Variants in STARD9 observed in about 807,000 individuals in gnomAD.
The protein encoded by STARD9 is stAR-related lipid transfer protein 9.
Under a neutral mutation model 399.8 loss-of-function variants are expected in STARD9, and 346 were observed. The ratio of observed to expected loss-of-function variants is 0.87; its 90% CI spans 0.79 to 0.95. The LOEUF is 0.95. Ranked by LOEUF, STARD9 falls within the 40% of genes least tolerant of loss-of-function variation. STARD9 has a pLI of 0.00. For missense variants in STARD9, 5,832 were observed against 5,667.5 expected (o/e 1.03, Z -0.93); for synonymous variants, 2,203 against 2,143.5 (o/e 1.03, Z -0.77).
intron 3 of STARD9, among the ~76,000 whole-genome samples, chr15:42,587,542 T>A (rs923277255): frequency 6.6e-6 from 1 of 152,182 alleles, no homozygotes; most frequent in African/African-American, 2.4e-5. Context: ...AGGCTTGTCT[T>A]GTGGCCCTTG....
In STARD9 at chr15:42,686,105, T is replaced by G. The variant is rs1332174269; in HGVS notation, c.4527T>G (p.Ala1509=). 6.5e-7 allele frequency: 1 copy of G among 1,537,226 alleles called. No homozygotes were observed. The highest frequency in any genetic ancestry group is 1.2e-5 in the South Asian group (1 of 84,046). ...VLEAIGAPKP[A]YPYLEEDSGS... ...AGGCCATAGGAGCACCCAAGCCAGC[T>G]TACCCCTACCTTGAGGAAGACTCTG... is the stretch of plus-strand genomic sequence containing the variant. The change falls in exon 23 of 33, where the codon GCT becomes GCG. Residue 1509 remains alanine, a synonymous_variant. Transcript: ENST00000290607.
chr15:42,689,668 GTTC>G lies in STARD9; in HGVS notation c.8095_8097del (p.Ser2699del), dbSNP rs1442589310. On this transcript the variant is annotated inframe_deletion, in exon 23 of 33. Coordinates refer to ENST00000290607, the MANE Select transcript of STARD9 (RefSeq NM_020759.3). ...AGTGAACCATTTATATGTCACTCTAGTTCTTCTGAAATCATAGAGAAAAAGAAA... is the reference window on the plus strand; with the variant it reads ...AGTGAACCATTTATATGTCACTCTAGTTCTGAAATCATAGAGAAAAAGAAA... The G allele has an allele frequency of 3.9e-6, 6 of 1,537,626 alleles. No homozygotes were observed. In the South Asian group the frequency reaches 5.9e-5, roughly 15 times the overall value.
At chr15:42,638,605 T>C (rs1402055927) in intron 6 of STARD9, 95 bp from the exon 7 acceptor site, 1 of 783,166 alleles carries the variant, frequency 1.3e-6, no homozygotes, top group Non-Finnish European at 2.0e-6. Flanking sequence ...GAAGTGGAGC[T>C]GGAACAAGAA....
In STARD9 at chr15:42,685,459, A is replaced by G; in HGVS notation, c.3881A>G (p.Gln1294Arg). 2.0e-6 allele frequency: 3 copies of G among 1,536,636 alleles called. No homozygotes were observed. Among genetic ancestry groups the G allele is most frequent in the Non-Finnish European group, 2.6e-6 (3 of 1,146,634 alleles). Residue 1294 changes from glutamine (Q) to arginine (R), a missense_variant, in exon 23 of 33, where the codon CAA becomes CGA. By Grantham distance (43) the Gln-to-Arg change is conservative (BLOSUM62 1). Coordinates refer to ENST00000290607, the MANE Select transcript of STARD9 (RefSeq NM_020759.3). ...HCELQPHCEL[Q>R]PHCELQPHCE... ...GAGCTCCAACCCCATTGTGAGCTCC[A>G]ACCCCATTGTGAGCTCCAGCCCCAT... is the stretch of plus-strand genomic sequence containing the variant.
chr15:42,625,651 T>TTTG (rs2059190973), intron 3 of STARD9, among the ~76,000 whole-genome samples: 1 of 150,556 alleles, frequency 6.6e-6, no homozygotes, highest in African/African-American at 2.4e-5. Flanking sequence ...CTTCCTATTT[T>TTTG]TTTTTTTTTT....
At chr15:42,650,529 T>A (rs773703679) in intron 7 of STARD9, among the ~76,000 whole-genome samples, 2 of 152,254 alleles carry the variant, frequency 1.3e-5, no homozygotes, top group Non-Finnish European at 2.9e-5. Context: ...GTATCATCTT[T>A]CCAACTCCTG....
chr15:42,691,595 C>G lies in STARD9; in HGVS notation c.10017C>G (p.Asn3339Lys). Residue 3339 changes from asparagine (N) to lysine (K), a missense_variant, in exon 23 of 33, where the codon AAC becomes AAG. Asn to Lys is a moderately conservative substitution (Grantham distance 94). This residue lies in a region of STARD9 where 5,828 missense variants were observed against 5,651.1 expected (regional missense o/e 1.03). Transcript: ENST00000290607. The part of the protein sequence containing the change: ...VGSSRSLQEL[N>K]LSVEPPSPTD... ...CTTCTCGTTCTCTTCAGGAGCTGAA[C>G]TTGAGTGTGGAGCCTCCTTCCCCTA... 1 of 1,537,250 alleles carries G rather than the reference C, an allele frequency of 6.5e-7. No individual in the cohort carries two copies. The highest frequency in any genetic ancestry group is 8.7e-7 in the Non-Finnish European group (1 of 1,146,908).
intron 3 of STARD9, among the ~76,000 whole-genome samples, chr15:42,600,629 G>A (rs1222254465): frequency 1.3e-5 from 2 of 151,168 alleles, no homozygotes; most frequent in Admixed American, 6.6e-5. Context: ...GGGTTCAAGC[G>A]GTTCTCCTGC....
intron 3 of STARD9, among the ~76,000 whole-genome samples, chr15:42,597,954 A>G (rs1381708495): frequency 6.7e-6 from 1 of 149,284 alleles, no homozygotes; most frequent in Non-Finnish European, 1.5e-5. Flanking sequence ...TACAGGTGTG[A>G]GCCACTGCTC....
At chr15:42,645,749 C>T (rs963313859) in intron 7 of STARD9, among the ~76,000 whole-genome samples, 6 of 152,016 alleles carry the variant, frequency 3.9e-5, no homozygotes, top group African/African-American at 1.2e-4. Flanking sequence ...ACCATGTTGC[C>T]CAGGCTGGTC....
chr15:42,620,499 G>A (rs2059068288), intron 3 of STARD9, among the ~76,000 whole-genome samples: 2 of 151,912 alleles, frequency 1.3e-5, no homozygotes, highest in Admixed American at 6.6e-5. Context: ...AAATTTTCAG[G>A]AAATTAAAGT....
At chr15:42,606,893 G>A (rs573576858) in intron 3 of STARD9, among the ~76,000 whole-genome samples, 3 of 152,166 alleles carry the variant, frequency 2.0e-5, no homozygotes, top group East Asian at 1.9e-4. Context: ...ACCCATTATA[G>A]CAAATGGATG....
chr15:42,599,208 C>A (rs1001890173), intron 3 of STARD9, among the ~76,000 whole-genome samples: 1 of 152,160 alleles, frequency 6.6e-6, no homozygotes, highest in Non-Finnish European at 1.5e-5. Context: ...ATGTGAGCCA[C>A]CATGCCCGGC....
At chr15:42,635,905 A>G (rs758966282) in intron 4 of STARD9, among the ~76,000 whole-genome samples, 14 of 152,200 alleles carry the variant, frequency 9.2e-5, no homozygotes, top group Non-Finnish European at 1.9e-4. Context: ...AGGGGCTTTC[A>G]AAAGTATGCA....
intron 26 of STARD9, among the ~76,000 whole-genome samples, chr15:42,708,503 C>T (rs1220681287): frequency 6.6e-6 from 1 of 152,202 alleles, no homozygotes; most frequent in Non-Finnish European, 1.5e-5. Flanking sequence ...AAAGTTTTGC[C>T]AGCCTTTGGT....
intron 9 of STARD9, among the ~76,000 whole-genome samples, chr15:42,659,369 A>G (rs945894452): frequency 1.3e-5 from 2 of 152,240 alleles, no homozygotes; most frequent in African/African-American, 4.8e-5. Context: ...AATTAGAACC[A>G]AATGAGATAC....
Position 42,661,164 on chromosome 15 carries a change from C to G in STARD9, c.709C>G (p.Leu237Val). ...IFTIHYTQAI[L>V]ENNLPSEMAS... ...TAAATGTTTTCTCCTCTAGGCAATC[C>G]TGGAGAACAACCTCCCTTCTGAAAT... Residue 237 changes from leucine (L) to valine (V), a missense_variant, in exon 10 of 33, where the codon CTG becomes GTG. Leu to Val is a conservative substitution (Grantham distance 32). Transcript: ENST00000290607. 6.5e-7 allele frequency: 1 copy of G among 1,536,190 alleles called. No homozygotes were observed. The highest frequency in any genetic ancestry group is 2.0e-5 in the Admixed American group (1 of 50,982).
chr15:42,692,612 C>G lies in STARD9; in HGVS notation c.11034C>G (p.His3678Gln), dbSNP rs1229181453. 6.5e-7 allele frequency: 1 copy of G among 1,537,126 alleles called. No homozygotes were observed. Among genetic ancestry groups the G allele is most frequent in the African/African-American group, 1.4e-5 (1 of 73,048 alleles). ...ATCTGGCCTCATGGACCAGCATGCA[C>G]AATCTGTCTCTCCACCTCTCACAGC... ...AFDLASWTSM[H>Q]NLSLHLSQLL... is the part of the protein sequence containing the mutation. The change falls in exon 23 of 33, where the codon CAC becomes CAG. Residue 3678 changes from histidine (H) to glutamine (Q), a missense_variant. This residue lies in a region of STARD9 where 5,828 missense variants were observed against 5,651.1 expected (regional missense o/e 1.03). Transcript: ENST00000290607.
chr15:42,575,781 G>T lies in STARD9; in HGVS notation c.47+19G>T. 6.5e-7 allele frequency: 1 copy of T among 1,536,670 alleles called. No individual in the cohort carries two copies. Among genetic ancestry groups the T allele is most frequent in the Non-Finnish European group, 8.7e-7 (1 of 1,146,536 alleles). ...GCAAGAGGTGAGTCTCCGCGGGAGA[G>T]GGCGCCTGAGGCTTCACAGGAGCTG... On this transcript the variant is annotated intron_variant, in intron 1 of 32. Coordinates refer to ENST00000290607, the MANE Select transcript of STARD9 (RefSeq NM_020759.3).
Sources: allele counts gnomAD v4.1 joint callset (sites outside exome capture counted in the v4.1 genomes callset), GRCh38; gene constraint gnomAD v4.1.1; regional missense constraint gnomAD v4.1.1; transcripts MANE v1.5; gene names NCBI Gene and HGNC (gene_info 2026-07-23, HGNC 2026-07-21).